The following ANAPC5 variants were observed in gnomAD, a reference collection of about 807,000 sequenced individuals.
ANAPC5 encodes anaphase-promoting complex subunit 5.
ANAPC5 carries 60 observed loss-of-function variants against 91.3 expected under a neutral mutation model. The ratio of observed to expected loss-of-function variants is 0.66; its 90% confidence interval spans 0.53 to 0.81. The LOEUF is 0.81. Among genes scored for constraint, ANAPC5 ranks in the 40% least tolerant of loss-of-function variants. The pLI is 0.00. For missense variants in ANAPC5, 690 were observed against 931.5 expected, an observed-to-expected ratio of 0.74 and a Z score of 3.37; for synonymous variants, 340 against 364.1, an observed-to-expected ratio of 0.93 and a Z score of 0.75.
intron 15 of ANAPC5, among the ~76,000 whole-genome samples, chr12:121,312,950 T>C (rs1902227767): frequency 6.6e-6 from 1 of 152,104 alleles, no homozygotes; most frequent in African/African-American, 2.4e-5. Flanking sequence ...AATATAGTTC[T>C]CAAGGAAATT....
chr12:121,331,530 C>A, intron 7 of ANAPC5, 102 bp from the exon 8 acceptor site: 3 of 954,124 alleles, frequency 3.1e-6, no homozygotes, highest in Non-Finnish European at 4.7e-6. Context: ...ATGCAGGTCT[C>A]TGGGTTGGAA....
At position 121,322,544 on chromosome 12, in the gene ANAPC5, A is replaced by C. The variant is rs868262596; in HGVS notation, c.1441-2085T>G. Among the ~76,000 whole-genome samples, 9 of 152,352 alleles carry C rather than the reference A, an allele frequency of 5.9e-5. No individual in the cohort carries two copies. The South Asian group carries it at 6.2e-4, about 11-fold the overall frequency. On this transcript the variant is annotated intron_variant, in intron 11 of 16. Transcript: ENST00000261819. Reference sequence around the variant, plus strand: ...TATTTGTTGAATGAATAAATCTTTCAATGTCAATAAATACAAATTTATATC... The same window carrying C: ...TATTTGTTGAATGAATAAATCTTTCCATGTCAATAAATACAAATTTATATC...
intron 5 of ANAPC5, among the ~76,000 whole-genome samples, chr12:121,337,647 C>A (rs1211362347): frequency 6.6e-6 from 1 of 152,104 alleles, no homozygotes; most frequent in African/African-American, 2.4e-5. Flanking sequence ...ACCCATCGCT[C>A]CCCAGCCATA....
chr12:121,330,833 A>G (rs1414528617), intron 8 of ANAPC5, 161 bp from the exon 9 acceptor site: 7 of 570,828 alleles, frequency 1.2e-5, no homozygotes, highest in Admixed American at 6.5e-5. Context: ...CCTGTCAAAC[A>G]TATCAACATC....
At chr12:121,321,345 T>C (rs1195362135) in intron 11 of ANAPC5, among the ~76,000 whole-genome samples, 1 of 78,680 alleles carries the variant, frequency 1.3e-5, no homozygotes, top group African/African-American at 3.5e-5. Context: ...ACAAATTACT[T>C]TTTTTTTTTT....
At chr12:121,327,273 C>A (rs781931327) in intron 10 of ANAPC5, 42 bp from the exon 11 acceptor site, 1 of 1,604,758 alleles carries the variant, frequency 6.2e-7, no homozygotes, top group Non-Finnish European at 8.5e-7. Context: ...CAGCAGCAGA[C>A]CTGGCTGCGC....
upstream of ANAPC5, chr12:121,352,527 G>A (rs1555275586): frequency 1.4e-5 from 8 of 578,874 alleles, no homozygotes; most frequent in Non-Finnish European, 2.1e-5. Flanking sequence ...GCGACAGCCA[G>A]TCAGAATGTA....
rs782438051 is a variant in ANAPC5 at position 121,330,667 on chromosome 12, C to T, written c.1038G>A (p.Trp346Ter). ...DHVCLQHCLS[W>*]LYVLGQKRSD... The stretch of plus-strand genomic sequence containing the variant: ...ATCTCTTCTGCCCCAGCACATAAAG[C>T]CAGCTCTGGCAAGAGAAATCATCAA... The change falls in exon 9 of 17, where the codon TGG (tryptophan) becomes TGA (stop). Residue 346 changes from tryptophan to a stop codon, truncating the protein, a stop_gained. Coordinates refer to ENST00000261819, the MANE Select transcript of ANAPC5 (RefSeq NM_016237.5). LOFTEE classifies it high-confidence loss of function. The T allele has an allele frequency of 5.0e-6, 8 of 1,613,730 alleles. No homozygotes were observed. The highest frequency in any genetic ancestry group is 5.1e-6 in the Non-Finnish European group (6 of 1,179,790).
chr12:121,339,291 T>C (rs947014644), intron 5 of ANAPC5, among the ~76,000 whole-genome samples: 3 of 152,254 alleles, frequency 2.0e-5, no homozygotes, highest in African/African-American at 7.2e-5. Flanking sequence ...CCTCAGGTGA[T>C]CCACCTGCCT....
chr12:121,320,753 C>T (rs1902567036), intron 11 of ANAPC5: 1 of 209,104 alleles, frequency 4.8e-6, no homozygotes. Flanking sequence ...CAGGTGCCTG[C>T]CACCATGTCC....
Position 121,342,836 on chromosome 12 carries a change from C to T in ANAPC5, c.591-767G>A, listed in dbSNP as rs901114936. ...ATCACGCCACTGCACTCCAGCCTGG[C>T]GGCAGAGCGAGACTTCATCTCAAAA... On this transcript the variant is annotated intron_variant, in intron 4 of 16. Coordinates refer to ENST00000261819, the MANE Select transcript of ANAPC5 (RefSeq NM_016237.5). The surrounding 1 kb of genome is among the most constrained non-coding windows in gnomAD (Gnocchi z 4.1). Among the ~76,000 whole-genome samples, 27 of 152,088 alleles carry T rather than the reference C, an allele frequency of 1.8e-4. No individual in the cohort carries two copies. Among genetic ancestry groups the T allele is most frequent in the Non-Finnish European group, 2.6e-4 (18 of 67,994 alleles).
chr12:121,340,898 T>C (rs1903432605), intron 5 of ANAPC5, among the ~76,000 whole-genome samples: 1 of 152,030 alleles, frequency 6.6e-6, no homozygotes, highest in South Asian at 2.1e-4. Context: ...TACATCTTTC[T>C]GCAGAAAGCT....
At chr12:121,321,738 A>G (rs1593582160) in intron 11 of ANAPC5, among the ~76,000 whole-genome samples, 1 of 151,902 alleles carries the variant, frequency 6.6e-6, no homozygotes, top group African/African-American at 2.4e-5. Flanking sequence ...GTGTTTTGCC[A>G]TGTTGGCCAG....
chr12:121,336,750 A>G (rs1290831920), intron 6 of ANAPC5, among the ~76,000 whole-genome samples: 1 of 152,162 alleles, frequency 6.6e-6, no homozygotes, highest in Non-Finnish European at 1.5e-5. Flanking sequence ...ACTTTACAAC[A>G]TCAGGAGGAT....
Position 121,352,378 on chromosome 12 carries a change from G to T in ANAPC5, c.-38C>A. 1.3e-6 allele frequency: 2 copies of T among 1,540,458 alleles called. No individual in the cohort carries two copies. ...CTAAGTCTCGGGCCCGCGGCGCGCT[G>T]CCGCCAGTTGTCACCACAAGGCACA... On this transcript the variant is annotated 5_prime_UTR_variant, in exon 1 of 17. Coordinates refer to ENST00000261819, the MANE Select transcript of ANAPC5 (RefSeq NM_016237.5).
At chr12:121,308,851 T>A (rs1477518719) in intron 16 of ANAPC5, among the ~76,000 whole-genome samples, 160 bp from the exon 17 acceptor site, 1 of 152,154 alleles carries the variant, frequency 6.6e-6, no homozygotes, top group African/African-American at 2.4e-5. Context: ...GGTGAGGTTT[T>A]CAAAAAGGTC....
In ANAPC5 at chr12:121,346,606, T is replaced by G. The variant is rs1300764337; in HGVS notation, c.397+290A>C. On this transcript the variant is annotated intron_variant, in intron 3 of 16. Coordinates refer to ENST00000261819, the MANE Select transcript of ANAPC5 (RefSeq NM_016237.5). ...TGGGCTGGTGACCCTCACTTACAGA[T>G]GGACCATGCAGGCAAGTGATCCAGA... 3 of 277,782 alleles carry G rather than the reference T, an allele frequency of 1.1e-5. No homozygotes were observed. The Admixed American group carries it at 1.5e-4, about 14-fold the overall frequency. 17.2% of individuals were successfully genotyped at this position (277,782 alleles called of 1,614,324 possible).
intron 4 of ANAPC5, among the ~76,000 whole-genome samples, chr12:121,344,134 C>T (rs1903566204): frequency 6.6e-6 from 1 of 152,128 alleles, no homozygotes; most frequent in Non-Finnish European, 1.5e-5. Flanking sequence ...GAGTCAGGCA[C>T]TCTACTAAAC....
intron 15 of ANAPC5, among the ~76,000 whole-genome samples, chr12:121,310,684 AG>A (rs1198790440): frequency 6.6e-6 from 1 of 152,192 alleles, no homozygotes; most frequent in Non-Finnish European, 1.5e-5. Flanking sequence ...CTGTAATCCC[AG>A]CACTTTGGGA....
Sources: allele counts gnomAD v4.1 joint callset (sites outside exome capture counted in the v4.1 genomes callset), GRCh38; gene constraint gnomAD v4.1.1; non-coding constraint Gnocchi (gnomAD v3.1); transcripts MANE v1.5; gene names NCBI Gene and HGNC (gene_info 2026-07-23, HGNC 2026-07-21).